The following ANK3 variants were observed in gnomAD, a reference collection of about 807,000 sequenced individuals.
ANK3 encodes ankyrin-3.
Under a neutral mutation model 370.9 loss-of-function variants are expected in ANK3, and 57 were observed. The ratio of observed to expected loss-of-function variants is 0.15; its 90% confidence interval spans 0.12 to 0.19. The LOEUF is 0.19. ANK3 is among the 10% of genes least tolerant of loss of function. The pLI, the probability that ANK3 is intolerant of heterozygous loss-of-function variation, is 1.00. For synonymous variants in ANK3, 1,929 were observed against 1,946.3 expected, an observed-to-expected ratio of 0.99 and a Z score of 0.23; for missense variants, 4,439 against 5,302.1, an observed-to-expected ratio of 0.84 and a Z score of 5.06.
intron 2 of ANK3, among the ~76,000 whole-genome samples, chr10:60,408,700 C>T (rs1428038002): frequency 6.6e-6 from 1 of 152,170 alleles, no homozygotes; most frequent in Non-Finnish European, 1.5e-5. Flanking sequence ...CTCTTTACTC[C>T]TTTGGGGACC....
At chr10:60,431,845 A>C (rs567340623) in intron 2 of ANK3, among the ~76,000 whole-genome samples, 1 of 152,222 alleles carries the variant, frequency 6.6e-6, no homozygotes, top group African/African-American at 2.4e-5. Flanking sequence ...AAAAGGTCCC[A>C]CATTCAGCCA....
intron 24 of ANK3, among the ~76,000 whole-genome samples, chr10:60,136,698 A>C (rs991539512): frequency 3.9e-5 from 6 of 152,216 alleles, no homozygotes; most frequent in Admixed American, 3.9e-4. Context: ...AAAGGCCTAA[A>C]GATGTCTTCA....
chr10:60,599,671 T>C (rs1394940645), intron 2 of ANK3, among the ~76,000 whole-genome samples: 1 of 152,202 alleles, frequency 6.6e-6, no homozygotes, highest in African/African-American at 2.4e-5. Flanking sequence ...ATATCCTAAC[T>C]GGTGTTCTTG....
chr10:60,155,037 C>T (rs1443135961), intron 23 of ANK3, among the ~76,000 whole-genome samples: 1 of 152,080 alleles, frequency 6.6e-6, no homozygotes, highest in Non-Finnish European at 1.5e-5. Flanking sequence ...CTGAATAGAA[C>T]ACTCCAGTGA....
chr10:60,293,605 A>T (rs1434394180), intron 1 of ANK3, among the ~76,000 whole-genome samples: 1 of 152,162 alleles, frequency 6.6e-6, no homozygotes, highest in African/African-American at 2.4e-5. Context: ...CCTACCACCT[A>T]ATGATACAGA....
At chr10:60,221,547 C>G (rs570684624) in intron 8 of ANK3, among the ~76,000 whole-genome samples, 132 of 152,240 alleles carry the variant, frequency 8.7e-4, no homozygotes, top group Non-Finnish European at 1.7e-3. Context: ...AAAGTCAAAC[C>G]CTTTTCTTGT....
At chr10:60,114,929 C>A (rs2092979842) in intron 25 of ANK3, among the ~76,000 whole-genome samples, 1 of 152,128 alleles carries the variant, frequency 6.6e-6, no homozygotes, top group Non-Finnish European at 1.5e-5. Flanking sequence ...TGTCAGTTAC[C>A]AGTGCAAACA....
chr10:60,659,746 G>A (rs906074532), intron 1 of ANK3, among the ~76,000 whole-genome samples: 13 of 151,676 alleles, frequency 8.6e-5, no homozygotes, highest in Non-Finnish European at 1.3e-4. Context: ...AATCTGTGGG[G>A]AAAAAAAATG....
intron 28 of ANK3, among the ~76,000 whole-genome samples, chr10:60,090,000 A>G (rs1032169289): frequency 6.6e-6 from 1 of 152,190 alleles, no homozygotes; most frequent in African/African-American, 2.4e-5. Flanking sequence ...ATAAAAAATT[A>G]CATTTGCTTA....
intron 41 of ANK3, among the ~76,000 whole-genome samples, chr10:60,056,334 T>C (rs2079160564): frequency 6.6e-6 from 1 of 152,142 alleles, no homozygotes; most frequent in East Asian, 1.9e-4. Context: ...CCAGGCGTGA[T>C]GGCACGTGCC....
At chr10:60,496,360 T>C (rs1204450503) in intron 2 of ANK3, among the ~76,000 whole-genome samples, 1 of 152,196 alleles carries the variant, frequency 6.6e-6, no homozygotes, top group Non-Finnish European at 1.5e-5. Context: ...GATGACAGAA[T>C]TGTGAATGAG....
chr10:60,397,687 C>G (rs952446741), intron 2 of ANK3, among the ~76,000 whole-genome samples: 1 of 152,154 alleles, frequency 6.6e-6, no homozygotes, highest in Non-Finnish European at 1.5e-5. Flanking sequence ...AAATTGGAAT[C>G]AGACTAATTG....
chr10:60,118,791 A>G (rs890529810), intron 25 of ANK3, among the ~76,000 whole-genome samples: 1 of 152,200 alleles, frequency 6.6e-6, no homozygotes, highest in Admixed American at 6.5e-5. Context: ...TTTGGTAATT[A>G]CAGTAAATTA....
At chr10:60,412,853 A>T (rs2063587366) in intron 2 of ANK3, among the ~76,000 whole-genome samples, 1 of 152,194 alleles carries the variant, frequency 6.6e-6, no homozygotes. Context: ...TGTGTGTCTT[A>T]TTTCTCCCTC....
At chr10:60,426,874 A>G (rs747113961) in intron 2 of ANK3, among the ~76,000 whole-genome samples, 18 of 152,160 alleles carry the variant, frequency 1.2e-4, no homozygotes, top group Non-Finnish European at 2.1e-4. Context: ...TAGGCATTGT[A>G]TAGGCATCTT....
intron 2 of ANK3, among the ~76,000 whole-genome samples, chr10:60,604,119 T>C (rs2133309077): frequency 6.6e-6 from 1 of 152,220 alleles, no homozygotes; most frequent in East Asian, 1.9e-4. Context: ...AGAGATGACT[T>C]TCAAGGTCAA....
rs72806112 is a variant in ANK3 at position 60,372,179 on chromosome 10, T to A, written c.114+17246A>T. Among the ~76,000 whole-genome samples the A allele has an allele frequency of 5.2e-3, 789 of 152,174 alleles. 5 individuals are homozygous for A. Among genetic ancestry groups the A allele is most frequent in the South Asian group, 0.011 (53 of 4,820 alleles). Reference sequence around the variant, plus strand: ...TAAAAGTTAAAGAGGAAGAAAAAAATTTATGTGAAACAGAAACAAAGTTCC... The same window carrying A: ...TAAAAGTTAAAGAGGAAGAAAAAAAATTATGTGAAACAGAAACAAAGTTCC... On this transcript the variant is annotated intron_variant, in intron 1 of 43. Coordinates refer to ENST00000280772, the MANE Select transcript of ANK3 (RefSeq NM_020987.5).
Position 60,200,283 on chromosome 10 carries a change from T to A in ANK3, c.1393-56A>T, listed in dbSNP as rs191504775. Reference sequence around the variant, plus strand: ...GCAGCTCTGAAGAAGAGTAGTGTATTTTATTTGGCATAAAGCTTATGATGG... The same window carrying A: ...GCAGCTCTGAAGAAGAGTAGTGTATATTATTTGGCATAAAGCTTATGATGG... On this transcript the variant is annotated intron_variant, in intron 12 of 43. Coordinates refer to ENST00000280772, the MANE Select transcript of ANK3 (RefSeq NM_020987.5). 4,521 of 1,375,438 alleles carry A rather than the reference T, an allele frequency of 3.3e-3. 11 individuals carry two copies. The highest frequency in any genetic ancestry group is 4.1e-3 in the Non-Finnish European group (3,988 of 965,148). 85.2% of individuals were successfully genotyped at this position (1,375,438 alleles called of 1,614,324 possible).
chr10:60,069,322 TG>T lies in ANK3; in HGVS notation c.11558del (p.Thr3853LysfsTer4). 1 of 1,614,192 alleles carries T rather than the reference TG, an allele frequency of 6.2e-7. No individual in the cohort carries two copies. Among genetic ancestry groups the T allele is most frequent in the Non-Finnish European group, 8.5e-7 (1 of 1,180,036 alleles). The stretch of plus-strand genomic sequence containing the variant: ...TTTGCCTAATCCCTATCAATTCCTT[TG>T]TTTTTTGCTGTTCTCCAAGAACTTT... ...KQKVLGEQQK[T>X]KELIGIRQKS... On this transcript the variant is annotated frameshift_variant, in exon 37 of 44. Coordinates refer to ENST00000280772, the MANE Select transcript of ANK3 (RefSeq NM_020987.5). LOFTEE classifies it high-confidence loss of function.
Sources: gnomAD v4.1 joint callset for allele counts (sites outside exome capture counted in the v4.1 genomes callset) on GRCh38, gnomAD v4.1.1 for gene constraint, MANE v1.5 for transcripts, NCBI Gene and HGNC (gene_info 2026-07-23, HGNC 2026-07-21) for gene names.